The following SH3D19 variants were observed in gnomAD, a reference collection of about 807,000 sequenced individuals.
SH3D19 encodes the protein SH3 domain-containing protein 19.
In SH3D19, 58 loss-of-function variants were observed where a neutral mutation model predicts 112.1. The ratio of observed to expected loss-of-function variants is 0.52; its 90% CI spans 0.42 to 0.64. The LOEUF is 0.64. Among genes scored for constraint, SH3D19 ranks in the 30% least tolerant of loss-of-function variants. The probability of loss-of-function intolerance (pLI) is 0.00; values close to 1 mark genes in which losing one functional copy is unlikely to be tolerated. For synonymous variants in SH3D19, 391 were observed against 448.5 expected, an observed-to-expected ratio of 0.87 and a Z score of 1.62; for missense variants, 1,090 against 1,263.4, an observed-to-expected ratio of 0.86 and a Z score of 2.08.
At chr4:151,220,981 G>A (rs1470403214) in intron 2 of SH3D19, among the ~76,000 whole-genome samples, 1 of 152,222 alleles carries the variant, frequency 6.6e-6, no homozygotes. Context: ...TCTCACATGT[G>A]TATCAATCAA....
At chr4:151,192,277 T>C (rs1341874400) in intron 2 of SH3D19, among the ~76,000 whole-genome samples, 1 of 152,164 alleles carries the variant, frequency 6.6e-6, no homozygotes, top group East Asian at 1.9e-4. Context: ...GTTTTCTTAT[T>C]TGTGTGAGCT....
At chr4:151,180,512 T>C (rs966110236) in intron 3 of SH3D19, among the ~76,000 whole-genome samples, 4 of 148,532 alleles carry the variant, frequency 2.7e-5, no homozygotes, top group Middle Eastern at 3.5e-3. Context: ...GTTCACACCA[T>C]TCTCTTGCCT....
intron 2 of SH3D19, among the ~76,000 whole-genome samples, chr4:151,218,650 A>G (rs1282039977): frequency 6.6e-6 from 1 of 152,224 alleles, no homozygotes. Context: ...TAAAACAGTC[A>G]AGATACACTT....
chr4:151,238,926 A>C (rs886753997), intron 1 of SH3D19, among the ~76,000 whole-genome samples: 1 of 152,088 alleles, frequency 6.6e-6, no homozygotes, highest in African/African-American at 2.4e-5. Flanking sequence ...CATCCAGACA[A>C]CACTTTCAAA....
At chr4:151,291,248 G>A in intron 1 of SH3D19, 1 of 1,613,908 alleles carries the variant, frequency 6.2e-7, no homozygotes, top group Non-Finnish European at 8.5e-7. Flanking sequence ...TACCAAAAAT[G>A]GATTAATGCC....
intron 1 of SH3D19, among the ~76,000 whole-genome samples, chr4:151,232,170 G>T (rs989918618): frequency 1.3e-5 from 2 of 152,158 alleles, no homozygotes; most frequent in Non-Finnish European, 2.9e-5. Context: ...GGGGATGGAG[G>T]AAGACTCTGT....
At position 151,160,922 on chromosome 4, in the gene SH3D19, G is replaced by A. The variant is rs1161781863; in HGVS notation, c.1643-1570C>T. ...ATATATAATAAAAACATCCAACTCA[G>A]TCACCATCTTGAAGATATTTTCTGT... On this transcript the variant is annotated intron_variant, in intron 8 of 19. Transcript: ENST00000604030. 4.6e-5 allele frequency among the ~76,000 whole-genome samples: 7 copies of A among 152,180 alleles called. No individual in the cohort carries two copies. The South Asian group carries it at 1.5e-3, about 32-fold the overall frequency.
intron 19 of SH3D19, 24 bp downstream of exon 19, chr4:151,127,593 GT>G: frequency 7.2e-7 from 1 of 1,396,156 alleles, no homozygotes; most frequent in Non-Finnish European, 9.9e-7. Context: ...GCTTAATGCA[GT>G]TATGAAGAGA....
chr4:151,205,117 C>T (rs1036201481), intron 2 of SH3D19, among the ~76,000 whole-genome samples: 6 of 151,992 alleles, frequency 3.9e-5, no homozygotes, highest in East Asian at 1.9e-4. Context: ...CAAGGGTGCC[C>T]GGCCAAGTCT....
intron 2 of SH3D19, among the ~76,000 whole-genome samples, chr4:151,202,012 CAAA>C (rs1197967202): frequency 2.1e-5 from 2 of 95,170 alleles, no homozygotes. Flanking sequence ...AACTCCATCT[CAAA>C]AAAAAAAAAA....
chr4:151,289,060 TG>T (rs1421993158), intron 1 of SH3D19, among the ~76,000 whole-genome samples: 1 of 152,246 alleles, frequency 6.6e-6, no homozygotes, highest in Non-Finnish European at 1.5e-5. Flanking sequence ...GAAATAGGAT[TG>T]AGTGTACAGA....
At chr4:151,240,569 A>C (rs1770476399) in intron 1 of SH3D19, among the ~76,000 whole-genome samples, 3 of 152,040 alleles carry the variant, frequency 2.0e-5, no homozygotes, top group Admixed American at 2.0e-4. Flanking sequence ...GAAGTTACTA[A>C]GAATACACAA....
In SH3D19 at chr4:151,236,418, C is replaced by G. The variant is rs566432307; in HGVS notation, c.113-10332G>C. ...GGCTAGGTGCTGCAAAGTCCCACCG[C>G]GAGGGCCATTGAGAGGTGAAGCCAG... is the stretch of plus-strand genomic sequence containing the variant. On this transcript the variant is annotated intron_variant, in intron 1 of 19. Transcript: ENST00000604030. Among the ~76,000 whole-genome samples the G allele has an allele frequency of 3.9e-5, 6 of 152,356 alleles. No homozygotes were observed. In the East Asian group the frequency reaches 9.6e-4, roughly 24 times the overall value.
intron 3 of SH3D19, among the ~76,000 whole-genome samples, chr4:151,185,152 C>T (rs1252334361): frequency 1.3e-5 from 2 of 148,508 alleles, no homozygotes; most frequent in African/African-American, 5.0e-5. Flanking sequence ...GGAAGTCAGG[C>T]ACAGATTGTG....
At chr4:151,229,287 T>C (rs6823953) in intron 1 of SH3D19, among the ~76,000 whole-genome samples, 131,592 of 152,146 alleles carry the variant, frequency 0.86, 57,754 homozygotes, top group Non-Finnish European at 0.95. Context: ...CAAAGTCTCA[T>C]CATTTCTATG....
chr4:151,144,156 G>A, intron 11 of SH3D19, 106 bp from the exon 12 acceptor site: 1 of 1,591,798 alleles, frequency 6.3e-7, no homozygotes, highest in East Asian at 2.2e-5. Context: ...AATGTGTAAT[G>A]GTAGTAACAG....
At position 151,268,317 on chromosome 4, in the gene SH3D19, CG is replaced by C. The variant is rs375468525; in HGVS notation, c.113-42232del. On this transcript the variant is annotated intron_variant, in intron 1 of 19. Coordinates refer to ENST00000604030, the MANE Select transcript of SH3D19 (RefSeq NM_001378122.1). ...GGGCACTTACTGTGAATGGAGCTTG[CG>C]GGAATAGAAGTTGCTCTGGATGAGT... 5.9e-3 allele frequency among the ~76,000 whole-genome samples: 892 copies of C among 152,136 alleles called. 7 individuals are homozygous for C. The highest frequency in any genetic ancestry group is 0.02 in the African/African-American group (843 of 41,490).
intron 19 of SH3D19, among the ~76,000 whole-genome samples, chr4:151,122,535 ACAC>A (rs1351108840): frequency 6.6e-6 from 1 of 151,670 alleles, no homozygotes; most frequent in Non-Finnish European, 1.5e-5. Flanking sequence ...ACACACACAC[ACAC>A]GATTATTTAT....
chr4:151,150,250 T>TATATAC (rs1561235300), intron 9 of SH3D19, among the ~76,000 whole-genome samples: 5 of 107,160 alleles, frequency 4.7e-5, no homozygotes, highest in African/African-American at 1.5e-4. Context: ...TATATATATA[T>TATATAC]ACACACATAT....
Sources: gnomAD v4.1 joint callset for allele counts (sites outside exome capture counted in the v4.1 genomes callset) on GRCh38, gnomAD v4.1.1 for gene constraint, MANE v1.5 for transcripts, NCBI Gene and HGNC (gene_info 2026-07-23, HGNC 2026-07-21) for gene names.